The following GPNMB variants were observed in gnomAD, a reference collection of about 807,000 sequenced individuals.
GPNMB encodes transmembrane glycoprotein NMB.
A neutral mutation model predicts 57.3 loss-of-function variants in GPNMB; 71 were observed. The observed-to-expected ratio is 1.24, with a 90% CI of 1.02 to 1.51. The LOEUF (loss-of-function observed/expected upper bound fraction) is 1.51, where lower values mean the gene tolerates loss of function less well. Ranked by LOEUF, GPNMB falls within the 40% of genes most tolerant of loss-of-function variation. The probability of loss-of-function intolerance (pLI) is 0.00; values close to 1 mark genes in which losing one functional copy is unlikely to be tolerated. For missense variants in GPNMB, 677 were observed against 691.9 expected (o/e 0.98, Z 0.24); for synonymous variants, 253 against 263.2 (o/e 0.96, Z 0.38).
At chr7:23,257,373 A>G (rs892430446) in intron 4 of GPNMB, 5 of 544,226 alleles carry the variant, frequency 9.2e-6, no homozygotes, top group Non-Finnish European at 1.6e-5. Flanking sequence ...ACACTTATTT[A>G]TTTGAATGGC....
chr7:23,273,672 ATC>A, intron 10 of GPNMB, 58 bp downstream of exon 10: 1 of 1,086,610 alleles, frequency 9.2e-7, no homozygotes, highest in Non-Finnish European at 1.4e-6. Flanking sequence ...AAGTGAATAT[ATC>A]TCTGTGTAAA....
chr7:23,252,746 T>C (rs1203947213), intron 1 of GPNMB, among the ~76,000 whole-genome samples: 1 of 152,132 alleles, frequency 6.6e-6, no homozygotes, highest in Non-Finnish European at 1.5e-5. Context: ...AAAAACACTA[T>C]CAACTAGCTT....
intron 3 of GPNMB, among the ~76,000 whole-genome samples, chr7:23,255,326 C>T (rs921362074): frequency 1.8e-4 from 28 of 152,312 alleles, no homozygotes; most frequent in Non-Finnish European, 3.7e-4. Context: ...CAGCATTTGT[C>T]TTTCTATGCC....
intron 1 of GPNMB, among the ~76,000 whole-genome samples, chr7:23,251,036 T>C (rs1287487480): frequency 1.3e-5 from 2 of 152,174 alleles, no homozygotes; most frequent in Admixed American, 1.3e-4. Flanking sequence ...ATAGGAGCAA[T>C]CTCATAGAAT....
At chr7:23,268,055 A>G in intron 8 of GPNMB, 67 bp downstream of exon 8, 1 of 911,276 alleles carries the variant, frequency 1.1e-6, no homozygotes, top group South Asian at 1.4e-5. Flanking sequence ...GAACAAAGGC[A>G]TTGACCACCA....
chr7:23,274,079 A>G lies in GPNMB; in HGVS notation c.1538A>G (p.Tyr513Cys), dbSNP rs202073355. The G allele has an allele frequency of 6.8e-6, 11 of 1,611,230 alleles. No homozygotes were observed. Among genetic ancestry groups the G allele is most frequent in the African/African-American group, 1.3e-5 (1 of 74,824 alleles). Residue 513 changes from tyrosine to cysteine, a missense_variant, in exon 11 of 11, where the codon TAC becomes TGC. Transcript: ENST00000258733. Reference sequence around the variant, plus strand: ...ATTGTTTTCAGAAAACACAAGGAATACAACCCAATAGAAAATAGTCCTGGG... The same window carrying G: ...ATTGTTTTCAGAAAACACAAGGAATGCAACCCAATAGAAAATAGTCCTGGG... ...SLLVYKKHKEYNPIENSPGNV... is the reference protein window; with the variant it reads ...SLLVYKKHKECNPIENSPGNV...
At chr7:23,256,745 G>A (rs1313576693) in intron 3 of GPNMB, 147 bp from the exon 4 acceptor site, 3 of 633,104 alleles carry the variant, frequency 4.7e-6, no homozygotes, top group Non-Finnish European at 8.5e-6. Flanking sequence ...ACTATTGGAT[G>A]GATTCTACAT....
chr7:23,258,837 G>C (rs949165478), intron 4 of GPNMB, among the ~76,000 whole-genome samples: 2 of 152,222 alleles, frequency 1.3e-5, no homozygotes, highest in African/African-American at 4.8e-5. Flanking sequence ...GGAGAGACCA[G>C]TGTGTTTTTC....
At chr7:23,267,269 C>A (rs1326949889) in intron 7 of GPNMB, among the ~76,000 whole-genome samples, 1 of 152,214 alleles carries the variant, frequency 6.6e-6, no homozygotes, top group Non-Finnish European at 1.5e-5. Context: ...CACAAAGGCT[C>A]TAGGAACAAA....
Position 23,260,630 on chromosome 7 carries a change from T to A in GPNMB, c.875T>A (p.Phe292Tyr). 6.2e-7 allele frequency: 1 copy of A among 1,614,140 alleles called. No homozygotes were observed. The highest frequency in any genetic ancestry group is 1.7e-5 in the Admixed American group (1 of 60,014). The change falls in exon 6 of 11, where the codon TTT (phenylalanine) becomes TAT (tyrosine). Residue 292 changes from phenylalanine (F) to tyrosine (Y), a missense_variant. Phe to Tyr is a conservative substitution (Grantham distance 22). Transcript: ENST00000258733. ...AGCTTCGGGGATAATACTGGCCTGT[T>A]TGTTTCCACCAATCATACTGTGAAT... ...KWSFGDNTGL[F>Y]VSTNHTVNHT...
intron 1 of GPNMB, among the ~76,000 whole-genome samples, chr7:23,248,242 T>G (rs554826368): frequency 6.6e-6 from 1 of 152,316 alleles, no homozygotes; most frequent in South Asian, 2.1e-4. Flanking sequence ...GAGGCAGACC[T>G]GCACCCACCC....
At chr7:23,259,886 A>T (rs1030873750) in intron 4 of GPNMB, 94 bp from the exon 5 acceptor site, 2 of 1,164,302 alleles carry the variant, frequency 1.7e-6, no homozygotes, top group Non-Finnish European at 2.5e-6. Flanking sequence ...TCCTCAGAGC[A>T]ATCTATAAAT....
In GPNMB at chr7:23,260,757, A is replaced by C; in HGVS notation, c.1002A>C (p.Lys334Asn). ...PPPPPPPRPSKPTPSLGPAGD... is the reference protein window; with the variant it reads ...PPPPPPPRPSNPTPSLGPAGD... ...CGCCACCACCACCCAGACCTTCAAAACCCACCCCTTCTTTAGGTAAGGTTT... is the reference window on the plus strand; with the variant it reads ...CGCCACCACCACCCAGACCTTCAAACCCCACCCCTTCTTTAGGTAAGGTTT... Residue 334 changes from lysine to asparagine, a missense_variant, in exon 6 of 11, where the codon AAA becomes AAC. By Grantham distance (94) the Lys-to-Asn change is moderately conservative (BLOSUM62 0). Transcript: ENST00000258733. 6.5e-7 allele frequency: 1 copy of C among 1,544,474 alleles called. No individual in the cohort carries two copies. The highest frequency in any genetic ancestry group is 8.7e-7 in the Non-Finnish European group (1 of 1,146,242).
At chr7:23,264,037 A>G (rs1379006768) in intron 6 of GPNMB, among the ~76,000 whole-genome samples, 1 of 151,746 alleles carries the variant, frequency 6.6e-6, no homozygotes, top group Admixed American at 6.6e-5. Flanking sequence ...TAAGTCACGG[A>G]ATTCTCTTCA....
intron 6 of GPNMB, among the ~76,000 whole-genome samples, chr7:23,261,573 C>A (rs945560994): frequency 2.0e-5 from 3 of 152,158 alleles, no homozygotes; most frequent in South Asian, 2.1e-4. Flanking sequence ...CAGGTGGGAA[C>A]TGAACAATGA....
At chr7:23,252,523 T>A (rs1229484471) in intron 1 of GPNMB, among the ~76,000 whole-genome samples, 16 of 152,220 alleles carry the variant, frequency 1.1e-4, no homozygotes, top group Admixed American at 1.0e-3. Flanking sequence ...AGAGCATCAA[T>A]TCTTATTGAG....
intron 7 of GPNMB, among the ~76,000 whole-genome samples, chr7:23,267,489 G>A (rs961324911): frequency 6.6e-6 from 1 of 152,110 alleles, no homozygotes; most frequent in African/African-American, 2.4e-5. Context: ...CATAGACTGG[G>A]TGGCTTATAA....
intron 1 of GPNMB, among the ~76,000 whole-genome samples, chr7:23,249,982 G>A (rs990795984): frequency 6.6e-6 from 1 of 152,068 alleles, no homozygotes; most frequent in Non-Finnish European, 1.5e-5. Flanking sequence ...TTTTAGTTAG[G>A]TCTTACTGAT....
At chr7:23,273,290 T>C in intron 9 of GPNMB, 1 of 483,200 alleles carries the variant, frequency 2.1e-6, no homozygotes, top group Non-Finnish European at 3.6e-6. Flanking sequence ...GGACGTGACA[T>C]CTCTCCCCCG....
Sources: gnomAD v4.1 joint callset for allele counts (sites outside exome capture counted in the v4.1 genomes callset) on GRCh38, gnomAD v4.1.1 for gene constraint, MANE v1.5 for transcripts, NCBI Gene and HGNC (gene_info 2026-07-23, HGNC 2026-07-21) for gene names.